The following GYS2 variants were observed in gnomAD, a reference collection of about 807,000 sequenced individuals.
GYS2 encodes glycogen [starch] synthase, liver.
In GYS2, 80 loss-of-function variants were observed where a neutral mutation model predicts 85.6. The ratio of observed to expected loss-of-function variants is 0.93; its 90% CI spans 0.78 to 1.13. The LOEUF is 1.13. Among genes scored for constraint, GYS2 ranks in the 50% most tolerant of loss-of-function variants. The pLI is 0.00. For missense variants in GYS2, 881 were observed against 854.9 expected (o/e 1.03, Z -0.38); for synonymous variants, 328 against 300.7 (o/e 1.09, Z -0.94).
intron 2 of GYS2, among the ~76,000 whole-genome samples, chr12:21,577,458 T>C (rs1308698868): frequency 1.3e-5 from 2 of 152,196 alleles, no homozygotes; most frequent in Non-Finnish European, 2.9e-5. Context: ...AGCCATGAAG[T>C]CTTGAGACCA....
In GYS2 at chr12:21,577,280, T is replaced by A. The variant is rs200997451; in HGVS notation, c.304-1223A>T. 1.3e-4 allele frequency among the ~76,000 whole-genome samples: 20 copies of A among 152,354 alleles called. No individual in the cohort carries two copies. The East Asian group carries it at 1.3e-3, about 10-fold the overall frequency. On this transcript the variant is annotated intron_variant, in intron 2 of 15. Transcript: ENST00000261195. ...GTATTTATACACTGTGAATAACATG[T>A]AATATTACTATATAATATTTACTGA... is the stretch of plus-strand genomic sequence containing the variant.
chr12:21,591,661 T>G (rs1261997801), intron 1 of GYS2, among the ~76,000 whole-genome samples: 1 of 152,008 alleles, frequency 6.6e-6, no homozygotes, highest in Non-Finnish European at 1.5e-5. Context: ...AATAATATAA[T>G]GCAAAAAGCT....
At position 21,592,742 on chromosome 12, in the gene GYS2, T is replaced by C. The variant is rs553712538; in HGVS notation, c.121+11730A>G. Reference sequence around the variant, plus strand: ...TCAGATAGATCATCTAGACAGAAAATTAACAAAGAAACATTGGATTTAAAC... The same window carrying C: ...TCAGATAGATCATCTAGACAGAAAACTAACAAAGAAACATTGGATTTAAAC... On this transcript the variant is annotated intron_variant, in intron 1 of 15. Transcript: ENST00000261195. Among the ~76,000 whole-genome samples, 26 of 152,022 alleles carry C rather than the reference T, an allele frequency of 1.7e-4. No individual in the cohort carries two copies. The South Asian group carries it at 5.0e-3, about 29-fold the overall frequency.
At chr12:21,592,045 T>TA (rs1258461318) in intron 1 of GYS2, among the ~76,000 whole-genome samples, 1 of 151,216 alleles carries the variant, frequency 6.6e-6, no homozygotes, top group East Asian at 1.9e-4. Flanking sequence ...CACACAAAGG[T>TA]ATACAACTAA....
At chr12:21,549,429 TAA>T (rs1434430842) in intron 11 of GYS2, among the ~76,000 whole-genome samples, 1 of 152,202 alleles carries the variant, frequency 6.6e-6, no homozygotes, top group Non-Finnish European at 1.5e-5. Context: ...TACACAAACA[TAA>T]AAGTCAGGAA....
chr12:21,597,885 A>C (rs1944713854), intron 1 of GYS2, among the ~76,000 whole-genome samples: 1 of 152,148 alleles, frequency 6.6e-6, no homozygotes, highest in African/African-American at 2.4e-5. Context: ...AAATCATTTC[A>C]TTTGCAGCAA....
At chr12:21,550,893 G>C (rs1233844191) in intron 11 of GYS2, among the ~76,000 whole-genome samples, 1 of 152,158 alleles carries the variant, frequency 6.6e-6, no homozygotes, top group Non-Finnish European at 1.5e-5. Flanking sequence ...AGTGAACGGA[G>C]ATCGTGCCAC....
intron 1 of GYS2, among the ~76,000 whole-genome samples, chr12:21,586,284 C>T (rs1237512832): frequency 6.6e-6 from 1 of 152,162 alleles, no homozygotes; most frequent in Non-Finnish European, 1.5e-5. Flanking sequence ...TGCCCTCAAA[C>T]ATTGGACTCC....
intron 6 of GYS2, 74 bp downstream of exon 6, chr12:21,563,154 C>G (rs771262775): frequency 1.1e-5 from 13 of 1,185,064 alleles, no homozygotes; most frequent in Non-Finnish European, 1.6e-5. Flanking sequence ...TTTATTATTA[C>G]AATTCTGTTT....
At chr12:21,550,246 G>T (rs534844071) in intron 11 of GYS2, among the ~76,000 whole-genome samples, 8 of 151,846 alleles carry the variant, frequency 5.3e-5, no homozygotes, top group African/African-American at 1.9e-4. Flanking sequence ...CAATCAAGAC[G>T]TGGCTACTAG....
intron 5 of GYS2, among the ~76,000 whole-genome samples, chr12:21,564,230 T>A (rs1944290685): frequency 1.3e-5 from 2 of 152,122 alleles, no homozygotes; most frequent in African/African-American, 4.8e-5. Flanking sequence ...TTAAGAATCT[T>A]TTCCAGCCTG....
chr12:21,541,289 AAAC>A lies in GYS2; in HGVS notation c.1646-719_1646-717del, dbSNP rs1372172997. 9.5e-5 allele frequency among the ~76,000 whole-genome samples: 13 copies of A among 136,848 alleles called. 2 individuals carry two copies. The highest frequency in any genetic ancestry group is 1.7e-4 in the Non-Finnish European group (11 of 63,568). The allele number at this position is 136,848 out of a possible 152,430, so 89.8% of individuals were successfully genotyped here. A position where few individuals can be genotyped will look rare whatever the true frequency, so the allele number is the denominator to read the frequency against. On this transcript the variant is annotated intron_variant, in intron 13 of 15. Transcript: ENST00000261195. ...TTTCCAAAAAAAAAAAAAAAAAAAA[AAAC>A]AAAAAACCCAGGGAAATGGCAATGT...
Position 21,575,922 on chromosome 12 carries a change from G to C in GYS2, c.439C>G (p.Arg147Gly). The stretch of plus-strand genomic sequence containing the variant: ...AATATCAGCATATCATTGGCTTCTC[G>C]GTCATGATAAGGAATGCCGACACTG... ...ACSVGIPYHD[R>G]EANDMLIFGS... The change falls in exon 3 of 16, where the codon CGA (arginine) becomes GGA (glycine). Residue 147 changes from arginine (R) to glycine (G), a missense_variant. Transcript: ENST00000261195. 1 of 1,613,816 alleles carries C rather than the reference G, an allele frequency of 6.2e-7. No individual in the cohort carries two copies. Among genetic ancestry groups the C allele is most frequent in the Non-Finnish European group, 8.5e-7 (1 of 1,179,830 alleles).
intron 10 of GYS2, among the ~76,000 whole-genome samples, chr12:21,558,769 G>A (rs755859278): frequency 4.1e-4 from 63 of 152,188 alleles, no homozygotes; most frequent in Admixed American, 6.5e-4. Context: ...TTTCTCTAAT[G>A]TGACTCAAAT....
At position 21,590,222 on chromosome 12, in the gene GYS2, G is replaced by T. The variant is rs558404697; in HGVS notation, c.122-9699C>A. On this transcript the variant is annotated intron_variant, in intron 1 of 15. Coordinates refer to ENST00000261195, the MANE Select transcript of GYS2 (RefSeq NM_021957.4). ...TGCTAATTCACTCAGGCATTCTGCT[G>T]GGGGCCTGAGGATCACTCCACTCCA... Among the ~76,000 whole-genome samples, 5 of 152,290 alleles carry T rather than the reference G, an allele frequency of 3.3e-5. No homozygotes were observed. The South Asian group carries it at 1.0e-3, about 32-fold the overall frequency.
chr12:21,583,368 G>T (rs1944534026), intron 1 of GYS2, among the ~76,000 whole-genome samples: 1 of 152,102 alleles, frequency 6.6e-6, no homozygotes, highest in South Asian at 2.1e-4. Context: ...ACGCCTAGTG[G>T]GCCTATTTGG....
Position 21,574,266 on chromosome 12 carries a change from T to A in GYS2, c.556A>T (p.Ile186Phe), listed in dbSNP as rs376889935. The A allele has an allele frequency of 8.4e-5, 136 of 1,613,798 alleles. No individual in the cohort carries two copies. The highest frequency in any genetic ancestry group is 1.0e-4 in the Non-Finnish European group (120 of 1,179,786). Residue 186 changes from isoleucine to phenylalanine, a missense_variant, in exon 4 of 16, where the codon ATT becomes TTT. Coordinates refer to ENST00000261195, the MANE Select transcript of GYS2 (RefSeq NM_021957.4). Reference sequence around the variant, plus strand: ...CTGGCTCGAGAAAGGATCAGTCCAATTCCAGCCTGCCATTCATGGAATTGG... The same window carrying A: ...CTGGCTCGAGAAAGGATCAGTCCAAATCCAGCCTGCCATTCATGGAATTGG... Reference protein sequence around the residue: ...VAQFHEWQAGIGLILSRARKL... With the variant: ...VAQFHEWQAGFGLILSRARKL...
At chr12:21,559,003 C>G (rs894677750) in intron 10 of GYS2, 88 bp downstream of exon 10, 4 of 770,108 alleles carry the variant, frequency 5.2e-6, no homozygotes, top group Non-Finnish European at 8.8e-6. Flanking sequence ...TGAAAATGTT[C>G]CAAATTAGCA....
At chr12:21,578,314 G>T (rs1041186185) in intron 2 of GYS2, among the ~76,000 whole-genome samples, 1 of 151,722 alleles carries the variant, frequency 6.6e-6, no homozygotes, top group Non-Finnish European at 1.5e-5. Context: ...CAATGCAATG[G>T]CCCATGAATT....
Sources: gnomAD v4.1 joint callset for allele counts (sites outside exome capture counted in the v4.1 genomes callset) on GRCh38, gnomAD v4.1.1 for gene constraint, MANE v1.5 for transcripts, NCBI Gene and HGNC (gene_info 2026-07-23, HGNC 2026-07-21) for gene names.